IGF1R: variants seen among roughly 807,000 people sequenced by gnomAD.
The protein encoded by IGF1R is insulin-like growth factor 1 receptor.
In IGF1R, 44 loss-of-function variants were observed where a neutral mutation model predicts 144.6. The observed-to-expected ratio is 0.30, with a 90% confidence interval of 0.24 to 0.39. The LOEUF is 0.39. IGF1R is among the 10% of genes least tolerant of loss of function. The probability of loss-of-function intolerance (pLI) is 1.00; values close to 1 mark genes in which losing one functional copy is unlikely to be tolerated. For missense variants in IGF1R, 1,355 were observed against 1,833.7 expected, an observed-to-expected ratio of 0.74 and a Z score of 4.77; for synonymous variants, 795 against 722.8, an observed-to-expected ratio of 1.10 and a Z score of -1.60.
At chr15:98,886,636 A>G (rs1341593528) in intron 2 of IGF1R, among the ~76,000 whole-genome samples, 2 of 152,188 alleles carry the variant, frequency 1.3e-5, no homozygotes, top group African/African-American at 4.8e-5. Flanking sequence ...TAGCGCCGTA[A>G]TTGGAAATTT....
chr15:98,804,564 G>T (rs2056431748), intron 2 of IGF1R, among the ~76,000 whole-genome samples: 1 of 152,188 alleles, frequency 6.6e-6, no homozygotes, highest in Non-Finnish European at 1.5e-5. Flanking sequence ...GGGGCTATGG[G>T]AGGAAGAGAG....
At chr15:98,795,467 T>C (rs987900150) in intron 2 of IGF1R, among the ~76,000 whole-genome samples, 1 of 152,104 alleles carries the variant, frequency 6.6e-6, no homozygotes, top group African/African-American at 2.4e-5. Context: ...CAGGCTGGAG[T>C]GCAGTGGCAT....
At chr15:98,871,784 C>G (rs576671025) in intron 2 of IGF1R, among the ~76,000 whole-genome samples, 2 of 152,214 alleles carry the variant, frequency 1.3e-5, no homozygotes, top group Admixed American at 1.3e-4. Context: ...TAGCTCCCGG[C>G]GGGTCCCTCC....
intron 2 of IGF1R, among the ~76,000 whole-genome samples, chr15:98,727,037 T>C (rs1403952909): frequency 6.6e-6 from 1 of 152,182 alleles, no homozygotes; most frequent in East Asian, 1.9e-4. Flanking sequence ...ATTATTTTCA[T>C]GTGTGGAACA....
At chr15:98,753,204 T>A (rs2055061013) in intron 2 of IGF1R, among the ~76,000 whole-genome samples, 1 of 150,924 alleles carries the variant, frequency 6.6e-6, no homozygotes, top group South Asian at 2.1e-4. Context: ...GTGCTGGGAT[T>A]ACAGGTGTGA....
intron 2 of IGF1R, among the ~76,000 whole-genome samples, chr15:98,809,695 T>C (rs550721631): frequency 1.3e-5 from 2 of 152,298 alleles, no homozygotes; most frequent in Admixed American, 1.3e-4. Context: ...GTTGGTTCTG[T>C]TTTCCAACGT....
intron 13 of IGF1R, among the ~76,000 whole-genome samples, chr15:98,925,027 T>C (rs73463702): frequency 0.043 from 6,595 of 151,910 alleles, 498 homozygotes; most frequent in African/African-American, 0.15. Context: ...AGACATTTTA[T>C]AAAGCATTGA....
At chr15:98,664,376 C>G (rs2052675666) in intron 1 of IGF1R, among the ~76,000 whole-genome samples, 1 of 152,046 alleles carries the variant, frequency 6.6e-6, no homozygotes, top group African/African-American at 2.4e-5. Flanking sequence ...GATAATGCCA[C>G]CCATCAGGCC....
intron 13 of IGF1R, 29 bp from the exon 14 acceptor site, chr15:98,929,529 A>AT (rs2015858004): frequency 6.5e-7 from 1 of 1,547,864 alleles, no homozygotes; most frequent in Admixed American, 1.7e-5. Context: ...ACCTGGTGAT[A>AT]TTTTATCATT....
intron 2 of IGF1R, among the ~76,000 whole-genome samples, chr15:98,790,818 T>C (rs1013151826): frequency 5.9e-5 from 9 of 152,380 alleles, no homozygotes; most frequent in South Asian, 2.1e-4. Flanking sequence ...GTAAATGGAC[T>C]AAACACACAT....
At chr15:98,944,072 C>T (rs1357097260) in intron 19 of IGF1R, among the ~76,000 whole-genome samples, 19 of 152,158 alleles carry the variant, frequency 1.2e-4, no homozygotes, top group Non-Finnish European at 1.2e-4. Flanking sequence ...AATCAAAGTG[C>T]TCTGCATGGT....
rs755228280 is a variant in IGF1R at position 98,960,671 on chromosome 15, G to C, written c.*3229G>C. 4.3e-6 allele frequency: 1 copy of C among 233,242 alleles called. No homozygotes were observed. The highest frequency in any genetic ancestry group is 8.5e-6 in the Non-Finnish European group (1 of 118,118). 14.4% of individuals were successfully genotyped at this position (233,242 alleles called of 1,614,324 possible). On this transcript the variant is annotated 3_prime_UTR_variant, in exon 21 of 21. Coordinates refer to ENST00000650285, the MANE Select transcript of IGF1R (RefSeq NM_000875.5). ...GCTGCTGCATTCATTGAGCACAAAG[G>C]TGCAGCTGCAGCAGCAGCTGGAGAG... is the stretch of plus-strand genomic sequence containing the variant.
In IGF1R at chr15:98,684,930, C is replaced by CTT. The variant is rs5814891; in HGVS notation, c.95-22611_95-22610dup. Among the ~76,000 whole-genome samples, 468 of 113,432 alleles carry CTT rather than the reference C, an allele frequency of 4.1e-3. 2 individuals carry two copies. Among genetic ancestry groups the CTT allele is most frequent in the African/African-American group, 0.014 (433 of 31,824 alleles). 74.4% of individuals were successfully genotyped at this position (113,432 alleles called of 152,430 possible). A position where few individuals can be genotyped will look rare whatever the true frequency, so the allele number is the denominator to read the frequency against. On this transcript the variant is annotated intron_variant, in intron 1 of 20. Transcript: ENST00000650285. ...ATGTATATATTTCTTCTTCCTTTTCCTTTTTTTTTTTTTTTTTTTTTTAAA... is the reference window on the plus strand; with the variant it reads ...ATGTATATATTTCTTCTTCCTTTTCCTTTTTTTTTTTTTTTTTTTTTTTTAAA...
At chr15:98,726,882 GC>G (rs1317201335) in intron 2 of IGF1R, among the ~76,000 whole-genome samples, 1 of 151,944 alleles carries the variant, frequency 6.6e-6, no homozygotes, top group Admixed American at 6.6e-5. Context: ...ACCATGCCCG[GC>G]TAATTTTTTG....
chr15:98,901,450 C>A (rs1365508002), intron 5 of IGF1R, among the ~76,000 whole-genome samples: 4 of 152,202 alleles, frequency 2.6e-5, no homozygotes, highest in Non-Finnish European at 4.4e-5. Context: ...TATAGCCCAT[C>A]CTCACGATGA....
At chr15:98,859,513 C>T (rs577049709) in intron 2 of IGF1R, among the ~76,000 whole-genome samples, 5 of 152,300 alleles carry the variant, frequency 3.3e-5, no homozygotes, top group African/African-American at 9.6e-5. Flanking sequence ...CTTTCCAGTT[C>T]GTAAGCTTTG....
Position 98,875,939 on chromosome 15 carries a change from C to T in IGF1R, c.641-15386C>T, listed in dbSNP as rs751504254. On this transcript the variant is annotated intron_variant, in intron 2 of 20. Coordinates refer to ENST00000650285, the MANE Select transcript of IGF1R (RefSeq NM_000875.5). ...GAAGGGAAAGCCCTTGAATTTTCCA[C>T]GCTACTTTTTAGTAACAGTAGGCTT... Among the ~76,000 whole-genome samples, 5 of 152,140 alleles carry T rather than the reference C, an allele frequency of 3.3e-5. 1 individual carries two copies. The highest frequency in any genetic ancestry group is 3.9e-4 in the East Asian group (2 of 5,190).
At chr15:98,886,434 T>C (rs965443833) in intron 2 of IGF1R, among the ~76,000 whole-genome samples, 1 of 152,212 alleles carries the variant, frequency 6.6e-6, no homozygotes, top group Non-Finnish European at 1.5e-5. Flanking sequence ...TTGTTTTTAT[T>C]GTTGGTCACT....
chr15:98,727,760 G>A (rs1194645925), intron 2 of IGF1R, among the ~76,000 whole-genome samples: 6 of 152,116 alleles, frequency 3.9e-5, no homozygotes, highest in East Asian at 3.9e-4. Context: ...TCCAGCACCC[G>A]CTGGGATTCC....
Sources: allele counts gnomAD v4.1 joint callset (sites outside exome capture counted in the v4.1 genomes callset), GRCh38; gene constraint gnomAD v4.1.1; transcripts MANE v1.5; gene names NCBI Gene and HGNC (gene_info 2026-07-23, HGNC 2026-07-21).